The following FMNL2 variants were observed in gnomAD, a reference collection of about 807,000 sequenced individuals.
FMNL2 encodes formin like 2.
A neutral mutation model predicts 130.2 loss-of-function variants in FMNL2; 51 were observed. The ratio of observed to expected loss-of-function variants is 0.39; its 90% confidence interval spans 0.31 to 0.49. The LOEUF (loss-of-function observed/expected upper bound fraction) is 0.49, where lower values mean the gene tolerates loss of function less well. FMNL2 is among the 20% of genes least tolerant of loss of function. FMNL2 has a pLI of 0.85. For missense variants in FMNL2, 977 were observed against 1,316.2 expected (o/e 0.74, Z 3.99); for synonymous variants, 465 against 467.1 (o/e 1.00, Z 0.06).
chr2:152,589,539 C>T (rs951862046), intron 9 of FMNL2, among the ~76,000 whole-genome samples: 1 of 152,152 alleles, frequency 6.6e-6, no homozygotes, highest in Non-Finnish European at 1.5e-5. Flanking sequence ...GAGACAGAGA[C>T]TGGTACTGTT....
intron 2 of FMNL2, among the ~76,000 whole-genome samples, chr2:152,538,425 A>G (rs1694121711): frequency 6.6e-6 from 1 of 151,866 alleles, no homozygotes; most frequent in Non-Finnish European, 1.5e-5. Context: ...GATTACAGGC[A>G]CGCGCCACCA....
At chr2:152,645,348 A>G in intron 25 of FMNL2, 1 of 609,002 alleles carries the variant, frequency 1.6e-6, no homozygotes, top group Non-Finnish European at 2.6e-6. Flanking sequence ...ATGCCTGGGA[A>G]TGTTGAGCAC....
intron 9 of FMNL2, among the ~76,000 whole-genome samples, chr2:152,593,908 AGAGAGAGAGAGAGAGAGAGC>A (rs1697612113): frequency 1.8e-5 from 2 of 114,070 alleles, no homozygotes; most frequent in Non-Finnish European, 3.8e-5. Context: ...TGTGTGAGAG[AGAGAGAGAGAGAGAGAGAGC>A]GAGAGAGAGC....
At chr2:152,540,154 T>G (rs1463977683) in intron 2 of FMNL2, among the ~76,000 whole-genome samples, 1 of 152,154 alleles carries the variant, frequency 6.6e-6, no homozygotes, top group Non-Finnish European at 1.5e-5. Flanking sequence ...TATATTCTGA[T>G]ATGTGTTTGG....
At chr2:152,473,285 C>A (rs1689955762) in intron 1 of FMNL2, among the ~76,000 whole-genome samples, 1 of 152,082 alleles carries the variant, frequency 6.6e-6, no homozygotes, top group African/African-American at 2.4e-5. Flanking sequence ...TTCACTGCAG[C>A]CTCCAACTCC....
At chr2:152,577,976 C>T (rs894186982) in intron 7 of FMNL2, among the ~76,000 whole-genome samples, 2 of 151,938 alleles carry the variant, frequency 1.3e-5, no homozygotes, top group Non-Finnish European at 2.9e-5. Flanking sequence ...ATGCTAATGG[C>T]AATGAGTCTA....
intron 1 of FMNL2, among the ~76,000 whole-genome samples, chr2:152,361,675 CAG>C (rs1477453526): frequency 1.3e-5 from 2 of 152,076 alleles, no homozygotes; most frequent in African/African-American, 4.8e-5. Flanking sequence ...GACTTAAACT[CAG>C]GGGTTTTAAT....
rs1681378874 is a variant in FMNL2 at position 152,335,821 on chromosome 2, C to T, written c.117+101C>T. ...CCTTCACCCCGTGCCGGGAGCGAGC[C>T]TCCATTCCCGAGGGGGAGGCTCCCG... On this transcript the variant is annotated intron_variant, in intron 1 of 25. Transcript: ENST00000288670. 26 of 826,136 alleles carry T rather than the reference C, an allele frequency of 3.1e-5. No individual in the cohort carries two copies. The South Asian group carries it at 5.2e-4, about 16-fold the overall frequency. The allele number at this position is 826,136 out of a possible 1,614,324, so 51.2% of individuals were successfully genotyped here.
intron 2 of FMNL2, among the ~76,000 whole-genome samples, chr2:152,541,834 T>C (rs1401985337): frequency 6.6e-6 from 1 of 152,090 alleles, no homozygotes; most frequent in Non-Finnish European, 1.5e-5. Context: ...CTTGTTTTCA[T>C]TGTAATCTAG....
intron 25 of FMNL2, among the ~76,000 whole-genome samples, chr2:152,646,881 G>A (rs1683633287): frequency 6.6e-6 from 1 of 152,308 alleles, no homozygotes; most frequent in Admixed American, 6.5e-5. Flanking sequence ...CTGCTGGCTA[G>A]CTACCTGACT....
intron 9 of FMNL2, among the ~76,000 whole-genome samples, chr2:152,594,491 G>A (rs1163943832): frequency 5.9e-5 from 9 of 152,094 alleles, no homozygotes; most frequent in East Asian, 1.9e-4. Context: ...AGGTGGCTGC[G>A]TCAATCCCTT....
In FMNL2 at chr2:152,647,908, C is replaced by G. The variant is rs753100790; in HGVS notation, c.*3C>G. The G allele has an allele frequency of 3.1e-6, 5 of 1,609,896 alleles. No individual in the cohort carries two copies. The South Asian group carries it at 5.5e-5, about 18-fold the overall frequency. The stretch of plus-strand genomic sequence containing the variant: ...ATGGTGCCGAAATAACAATGTGAAC[C>G]TGAGACTGGCCTGCATGAATACAGG... On this transcript the variant is annotated 3_prime_UTR_variant, in exon 26 of 26. Transcript: ENST00000288670.
chr2:152,632,382 T>C (rs1283159461), intron 21 of FMNL2, among the ~76,000 whole-genome samples: 1 of 152,194 alleles, frequency 6.6e-6, no homozygotes, highest in Non-Finnish European at 1.5e-5. Flanking sequence ...TCATGTCCCT[T>C]CCCTCTTTTA....
intron 1 of FMNL2, among the ~76,000 whole-genome samples, chr2:152,382,544 A>G (rs1237174347): frequency 2.0e-5 from 3 of 152,198 alleles, no homozygotes; most frequent in African/African-American, 7.2e-5. Context: ...TAGAGGCTAA[A>G]GAGTCACTTT....
In FMNL2 at chr2:152,375,850, GCT is replaced by G. The variant is rs71394477; in HGVS notation, c.117+40157_117+40158del. On this transcript the variant is annotated intron_variant, in intron 1 of 25. Coordinates refer to ENST00000288670, the MANE Select transcript of FMNL2 (RefSeq NM_052905.4). Reference sequence around the variant, plus strand: ...AGTACTATAACATTTAGCCATTGAAGCTCTCTCTCTCTCTCTCTCTCTCTCTC... The same window carrying G: ...AGTACTATAACATTTAGCCATTGAAGCTCTCTCTCTCTCTCTCTCTCTCTC... Among the ~76,000 whole-genome samples the G allele has an allele frequency of 2.3e-3, 234 of 100,572 alleles. 3 individuals are homozygous for G. Among genetic ancestry groups the G allele is most frequent in the African/African-American group, 4.0e-3 (109 of 26,960 alleles). The allele number at this position is 100,572 out of a possible 152,430, so 66.0% of individuals were successfully genotyped here. A position where few individuals can be genotyped will look rare whatever the true frequency, so the allele number is the denominator to read the frequency against.
At chr2:152,427,799 AG>A (rs1185823073) in intron 1 of FMNL2, among the ~76,000 whole-genome samples, 1 of 152,166 alleles carries the variant, frequency 6.6e-6, no homozygotes, top group East Asian at 1.9e-4. Flanking sequence ...TCGTGTATGC[AG>A]TCAAGCAGGG....
rs145069611 is a variant in FMNL2 at position 152,603,073 on chromosome 2, G to A, written c.877-4266G>A. On this transcript the variant is annotated intron_variant, in intron 9 of 25. Coordinates refer to ENST00000288670, the MANE Select transcript of FMNL2 (RefSeq NM_052905.4). ...GTACACTTGTTTAATGATTGCTAAA[G>A]TAATGGAGAAACAAATGTGAATCTG... 5.0e-3 allele frequency among the ~76,000 whole-genome samples: 766 copies of A among 152,302 alleles called. 6 individuals carry two copies. Among genetic ancestry groups the A allele is most frequent in the Middle Eastern group, 0.017 (5 of 294 alleles).
At chr2:152,582,041 C>G (rs889202184) in intron 9 of FMNL2, among the ~76,000 whole-genome samples, 3 of 152,074 alleles carry the variant, frequency 2.0e-5, no homozygotes, top group African/African-American at 7.2e-5. Context: ...TCATTTGGTT[C>G]TATAAGAACA....
chr2:152,531,505 C>T (rs6760139), intron 2 of FMNL2, among the ~76,000 whole-genome samples: 1 of 150,844 alleles, frequency 6.6e-6, no homozygotes, highest in Non-Finnish European at 1.5e-5. Flanking sequence ...GACAGAGTGT[C>T]GGTCTGTCAC....
Sources: allele counts gnomAD v4.1 joint callset (sites outside exome capture counted in the v4.1 genomes callset), GRCh38; gene constraint gnomAD v4.1.1; transcripts MANE v1.5; gene names NCBI Gene and HGNC (gene_info 2026-07-23, HGNC 2026-07-21).